Variants in PPFIA2 observed in about 807,000 individuals in gnomAD.
The protein encoded by PPFIA2 is PPFI scaffold protein A2.
PPFIA2 carries 46 observed loss-of-function variants against 175.5 expected under a neutral mutation model. The ratio of observed to expected loss-of-function variants is 0.26; its 90% CI spans 0.21 to 0.34. PPFIA2 has a LOEUF of 0.34. Ranked by LOEUF, PPFIA2 falls within the 10% of genes least tolerant of loss-of-function variation. PPFIA2 has a pLI of 1.00. For synonymous variants in PPFIA2, 568 were observed against 511.4 expected (o/e 1.11, Z -1.49); for missense variants, 1,179 against 1,506.1 (o/e 0.78, Z 3.60).
chr12:81,559,406 G>A (rs1247792672), intron 4 of PPFIA2, among the ~76,000 whole-genome samples: 1 of 152,198 alleles, frequency 6.6e-6, no homozygotes, highest in African/African-American at 2.4e-5. Context: ...GAGTTGTTGT[G>A]TGTTATGGGT....
intron 22 of PPFIA2, among the ~76,000 whole-genome samples, chr12:81,316,370 T>C (rs2052350522): frequency 6.6e-6 from 1 of 151,590 alleles, no homozygotes; most frequent in Non-Finnish European, 1.5e-5. Flanking sequence ...GATTAAGATG[T>C]CAGCATTATA....
chr12:81,549,518 G>A (rs1047420756), intron 4 of PPFIA2, among the ~76,000 whole-genome samples: 2 of 151,932 alleles, frequency 1.3e-5, no homozygotes, highest in African/African-American at 4.8e-5. Flanking sequence ...CCTATGGGAA[G>A]TCTAATGCAT....
At chr12:81,305,612 T>A (rs7314023) in intron 22 of PPFIA2, among the ~76,000 whole-genome samples, 7,682 of 152,232 alleles carry the variant, frequency 0.05, 208 homozygotes, top group Middle Eastern at 0.068. Flanking sequence ...CCTCAATTCA[T>A]ACCATTCAAA....
intron 7 of PPFIA2, among the ~76,000 whole-genome samples, chr12:81,432,226 C>A (rs935851168): frequency 6.6e-6 from 1 of 152,058 alleles, no homozygotes; most frequent in African/African-American, 2.4e-5. Flanking sequence ...TTCATCTTCC[C>A]AAACTGAAAT....
intron 3 of PPFIA2, among the ~76,000 whole-genome samples, chr12:81,688,416 G>A (rs2074738076): frequency 6.6e-6 from 1 of 151,712 alleles, no homozygotes; most frequent in South Asian, 2.1e-4. Context: ...TTGTTTGATG[G>A]ATCGGAGGCT....
intron 5 of PPFIA2, among the ~76,000 whole-genome samples, chr12:81,446,362 G>A (rs1436684645): frequency 3.3e-5 from 5 of 152,206 alleles, no homozygotes; most frequent in Non-Finnish European, 7.3e-5. Flanking sequence ...GGCCATGACA[G>A]AGGTGGAGGG....
chr12:81,706,482 A>T (rs1466124281), intron 3 of PPFIA2, among the ~76,000 whole-genome samples: 1 of 152,214 alleles, frequency 6.6e-6, no homozygotes, highest in African/African-American at 2.4e-5. Context: ...ATTATACAAA[A>T]ATGCATATAT....
At chr12:81,698,686 C>G (rs1047985983) in intron 3 of PPFIA2, among the ~76,000 whole-genome samples, 2 of 152,132 alleles carry the variant, frequency 1.3e-5, no homozygotes, top group Non-Finnish European at 2.9e-5. Context: ...TGGCCATTCC[C>G]TATGCCTGTG....
intron 4 of PPFIA2, among the ~76,000 whole-genome samples, chr12:81,599,214 CT>C (rs2059553385): frequency 6.6e-6 from 1 of 151,804 alleles, no homozygotes; most frequent in Non-Finnish European, 1.5e-5. Context: ...AAAGTGGTGT[CT>C]TTGTGAATGT....
chr12:81,608,581 A>G (rs2060571853), intron 4 of PPFIA2, among the ~76,000 whole-genome samples: 1 of 152,078 alleles, frequency 6.6e-6, no homozygotes, highest in African/African-American at 2.4e-5. Context: ...TTGTGTGCAT[A>G]GAGTTGCTTG....
chr12:81,419,803 C>T (rs2045936521), intron 7 of PPFIA2, among the ~76,000 whole-genome samples: 1 of 152,082 alleles, frequency 6.6e-6, no homozygotes, highest in Admixed American at 6.6e-5. Context: ...CATTTGCATC[C>T]ATATCCAAAT....
At chr12:81,635,567 C>A (rs1193954727) in intron 4 of PPFIA2, among the ~76,000 whole-genome samples, 1 of 152,114 alleles carries the variant, frequency 6.6e-6, no homozygotes, top group Admixed American at 6.5e-5. Flanking sequence ...CATGAAATGA[C>A]CTCAGACCTG....
At chr12:81,532,190 TAA>T (rs919046512) in intron 4 of PPFIA2, among the ~76,000 whole-genome samples, 33 of 151,932 alleles carry the variant, frequency 2.2e-4, no homozygotes, top group African/African-American at 8.0e-4. Flanking sequence ...ATTAGAGATT[TAA>T]AGATTCCCAC....
At chr12:81,664,170 G>T (rs1476257075) in intron 4 of PPFIA2, among the ~76,000 whole-genome samples, 1 of 152,196 alleles carries the variant, frequency 6.6e-6, no homozygotes, top group South Asian at 2.1e-4. Flanking sequence ...AATGGCAAAA[G>T]AAGCCAAAAT....
intron 7 of PPFIA2, among the ~76,000 whole-genome samples, chr12:81,422,492 T>A (rs751237657): frequency 6.6e-6 from 1 of 151,834 alleles, no homozygotes. Flanking sequence ...CATGGGAAGG[T>A]AAAATGTGAA....
intron 3 of PPFIA2, among the ~76,000 whole-genome samples, chr12:81,727,725 C>A (rs906539644): frequency 6.6e-6 from 1 of 151,336 alleles, no homozygotes; most frequent in Non-Finnish European, 1.5e-5. Flanking sequence ...GAGTAGTTAA[C>A]AGCCAGGATC....
chr12:81,339,264 G>A lies in PPFIA2; in HGVS notation c.2464C>T (p.His822Tyr), dbSNP rs761633310. Residue 822 changes from histidine (H) to tyrosine (Y), a missense_variant, in exon 21 of 33, where the codon CAC becomes TAC. Physicochemically the swap from His to Tyr is moderately conservative, Grantham distance 83. This residue lies in a region of PPFIA2 where 223 missense variants were observed against 241.6 expected (regional missense o/e 0.92). Coordinates refer to ENST00000549396, the MANE Select transcript of PPFIA2 (RefSeq NM_003625.5). The part of the protein sequence containing the change: ...GSANSSQDSL[H>Y]KAPKKKGIKS... ...ATTCCTTTCTTCTTGGGGGCTTTGT[G>A]AAGAGAGTCTTGGCTGCTGTTGGCA... 5 of 1,611,010 alleles carry A rather than the reference G, an allele frequency of 3.1e-6. No individual in the cohort carries two copies. Among genetic ancestry groups the A allele is most frequent in the Non-Finnish European group, 4.2e-6 (5 of 1,178,338 alleles).
At chr12:81,505,957 T>G (rs1264891612) in intron 4 of PPFIA2, 1 of 152,142 alleles carries the variant, frequency 6.6e-6, no homozygotes, top group East Asian at 1.9e-4. Context: ...TCTGTTCTAG[T>G]GGTAAGGAAT....
chr12:81,697,545 T>C (rs1018807433), intron 3 of PPFIA2, among the ~76,000 whole-genome samples: 5 of 152,178 alleles, frequency 3.3e-5, no homozygotes, highest in Non-Finnish European at 7.4e-5. Flanking sequence ...GTCAAACTAT[T>C]TGATTTAGAT....
Sources: gnomAD v4.1 joint callset for allele counts (sites outside exome capture counted in the v4.1 genomes callset) on GRCh38, gnomAD v4.1.1 for gene constraint, gnomAD v4.1.1 regional missense constraint, MANE v1.5 for transcripts, NCBI Gene and HGNC (gene_info 2026-07-23, HGNC 2026-07-21) for gene names.